GALNT16: variants seen among roughly 807,000 people sequenced by gnomAD.
GALNT16 encodes the protein UDP-GalNAc:polypeptide N-acetylgalactosaminyltransferase-like protein 1.
GALNT16 carries 40 observed loss-of-function variants against 76.1 expected under a neutral mutation model. The observed-to-expected ratio is 0.53, with a 90% CI of 0.41 to 0.68. The LOEUF (loss-of-function observed/expected upper bound fraction) is 0.68. Ranked by LOEUF, GALNT16 falls within the 30% of genes least tolerant of loss-of-function variation. The pLI, the probability that GALNT16 is intolerant of heterozygous loss-of-function variation, is 0.00. For synonymous variants in GALNT16, 276 were observed against 285.2 expected (o/e 0.97, Z 0.32); for missense variants, 621 against 731.9 (o/e 0.85, Z 1.75).
chr14:69,346,409 G>T (rs915247948), intron 12 of GALNT16, among the ~76,000 whole-genome samples: 3 of 152,092 alleles, frequency 2.0e-5, no homozygotes, highest in African/African-American at 4.8e-5. Context: ...ATTTTTAAGG[G>T]CTTTGAGACA....
At chr14:69,268,854 C>T (rs2044370525) in intron 1 of GALNT16, among the ~76,000 whole-genome samples, 2 of 152,176 alleles carry the variant, frequency 1.3e-5, no homozygotes, top group Admixed American at 6.5e-5. Context: ...TCTAGGGAGA[C>T]AGTGTTCCAG....
At chr14:69,356,122 C>T (rs2140211815), downstream of GALNT16, 2 of 152,410 alleles carry the variant, frequency 1.3e-5, no homozygotes, top group Middle Eastern at 6.8e-3. Flanking sequence ...GCAACCCAGC[C>T]AGCTTCTCTA....
chr14:69,369,984 T>G, the GALNT16 span, among the ~76,000 whole-genome samples: 1 of 152,206 alleles, frequency 6.6e-6, no homozygotes, highest in South Asian at 2.1e-4. Flanking sequence ...TTTTATAAAC[T>G]GGCATTGGAA....
At chr14:69,338,110 C>T (rs2045435900) in intron 9 of GALNT16, among the ~76,000 whole-genome samples, 1 of 152,262 alleles carries the variant, frequency 6.6e-6, no homozygotes, top group South Asian at 2.1e-4. Context: ...GCTCCACCAC[C>T]GCTGTCAAAA....
At chr14:69,289,918 T>A (rs61111408) in intron 1 of GALNT16, among the ~76,000 whole-genome samples, 21,524 of 151,952 alleles carry the variant, frequency 0.14, 1,909 homozygotes, top group East Asian at 0.3. Flanking sequence ...TTGTTTTTTT[T>A]AATAGAGACA....
Position 69,333,859 on chromosome 14 carries a change from C to T in GALNT16, c.967+259C>T, listed in dbSNP as rs746354380. 3.8e-5 allele frequency: 17 copies of T among 442,350 alleles called. No homozygotes were observed. Among genetic ancestry groups the T allele is most frequent in the East Asian group, 2.4e-4 (5 of 20,642 alleles). 27.4% of individuals were successfully genotyped at this position (442,350 alleles called of 1,614,324 possible). Reference sequence around the variant, plus strand: ...AAAGAGGTTCTATTTAGGGGGAGCCCGTGGTCACATGGCTGGACATGTGTG... The same window carrying T: ...AAAGAGGTTCTATTTAGGGGGAGCCTGTGGTCACATGGCTGGACATGTGTG... On this transcript the variant is annotated intron_variant, in intron 9 of 14. Coordinates refer to ENST00000448469, the MANE Select transcript of GALNT16 (RefSeq NM_001168368.2). The surrounding 1 kb of genome is among the most constrained non-coding windows in gnomAD (Gnocchi z 4.2).
chr14:69,332,637 C>G (rs1176957015), intron 7 of GALNT16: 3 of 166,686 alleles, frequency 1.8e-5, no homozygotes, highest in African/African-American at 4.8e-5. Context: ...GGGAGCCAGG[C>G]ATTTCCCCTT....
Position 69,341,133 on chromosome 14 carries a change from G to A in GALNT16, c.1188-548G>A, listed in dbSNP as rs899269898. ...CAAAAGCCTTCTGAGATGAGTGGTC[G>A]TGTCCCCAGTTGAATGTAGAGGAAA... is the stretch of plus-strand genomic sequence containing the variant. On this transcript the variant is annotated intron_variant, in intron 11 of 14. Transcript: ENST00000448469. 4.6e-5 allele frequency among the ~76,000 whole-genome samples: 7 copies of A among 152,124 alleles called. No homozygotes were observed. The South Asian group carries it at 1.4e-3, about 31-fold the overall frequency.
chr14:69,315,862 T>A lies in GALNT16; in HGVS notation c.178-4849T>A, dbSNP rs141026171. ...TAGATAGATACTTTACATCTCTTGG[T>A]TCTGATTGTTTCTTCTTGGTTCATT... On this transcript the variant is annotated intron_variant, in intron 1 of 14. Transcript: ENST00000448469. Among the ~76,000 whole-genome samples the A allele has an allele frequency of 1.5e-3, 222 of 152,314 alleles. 1 individual carries two copies. Among genetic ancestry groups the A allele is most frequent in the African/African-American group, 5.0e-3 (209 of 41,560 alleles).
At chr14:69,325,432 C>T in intron 4 of GALNT16, 28 bp downstream of exon 4, 3 of 1,330,242 alleles carry the variant, frequency 2.3e-6, no homozygotes, top group Non-Finnish European at 3.3e-6. Context: ...TTTTTGCAGC[C>T]CTCCATTCCG....
At chr14:69,316,781 G>GA (rs1555399676) in intron 1 of GALNT16, among the ~76,000 whole-genome samples, 1 of 96,650 alleles carries the variant, frequency 1.0e-5, no homozygotes, top group East Asian at 7.3e-4. Flanking sequence ...CTGTGAGGGG[G>GA]GGGGGCACTG....
At chr14:69,360,766 C>T (rs2045719639), downstream of GALNT16, among the ~76,000 whole-genome samples, 1 of 152,258 alleles carries the variant, frequency 6.6e-6, no homozygotes. Context: ...GGGGGTGGGG[C>T]CAGCCCTCTG....
At chr14:69,283,965 C>T (rs1377349934) in intron 1 of GALNT16, among the ~76,000 whole-genome samples, 3 of 152,128 alleles carry the variant, frequency 2.0e-5, no homozygotes, top group Non-Finnish European at 2.9e-5. Flanking sequence ...AGGTGGGAAT[C>T]GGTGATAACA....
chr14:69,384,962 C>T, the GALNT16 span, among the ~76,000 whole-genome samples: 2 of 152,232 alleles, frequency 1.3e-5, no homozygotes, highest in African/African-American at 4.8e-5. Context: ...TCATTTCCAA[C>T]TACTTCAATT....
the GALNT16 span, among the ~76,000 whole-genome samples, chr14:69,369,243 C>T: frequency 1.3e-5 from 2 of 152,084 alleles, no homozygotes; most frequent in African/African-American, 2.4e-5. Context: ...TCATGGCAGA[C>T]GGTCTTATTC....
chr14:69,325,214 A>G, intron 3 of GALNT16, 123 bp from the exon 4 acceptor site: 1 of 720,976 alleles, frequency 1.4e-6, no homozygotes, highest in Non-Finnish European at 2.6e-6. Context: ...GGATTCAGGT[A>G]GGAGCGCCCA....
Position 69,320,883 on chromosome 14 carries a change from G to A in GALNT16, c.335+15G>A, listed in dbSNP as rs771416489. On this transcript the variant is annotated intron_variant, in intron 2 of 14. Coordinates refer to ENST00000448469, the MANE Select transcript of GALNT16 (RefSeq NM_001168368.2). ...CGCCATTACAGGTACGGCCTCCATC[G>A]TGTCAGTGGAGGAAGAAAGACTGAG... The A allele has an allele frequency of 3.5e-5, 56 of 1,608,786 alleles. No individual in the cohort carries two copies. Among genetic ancestry groups the A allele is most frequent in the Middle Eastern group, 1.6e-4 (1 of 6,062 alleles).
intron 1 of GALNT16, among the ~76,000 whole-genome samples, chr14:69,288,037 TC>T (rs2044637968): frequency 1.3e-5 from 2 of 152,160 alleles, no homozygotes; most frequent in African/African-American, 4.8e-5. Context: ...TCAGTGACCC[TC>T]CAAGTCCAAA....
At chr14:69,362,202 C>T in the GALNT16 span, among the ~76,000 whole-genome samples, 1 of 152,204 alleles carries the variant, frequency 6.6e-6, no homozygotes, top group South Asian at 2.1e-4. Context: ...AGGGCTATGT[C>T]CAGCATGGCC....
Sources: allele counts gnomAD v4.1 joint callset (sites outside exome capture counted in the v4.1 genomes callset), GRCh38; gene constraint gnomAD v4.1.1; non-coding constraint Gnocchi (gnomAD v3.1); transcripts MANE v1.5; gene names NCBI Gene and HGNC (gene_info 2026-07-23, HGNC 2026-07-21).